The following COL5A2 variants were observed in gnomAD, a reference collection of about 807,000 sequenced individuals.
COL5A2 encodes the protein collagen type V alpha 2 chain.
Under a neutral mutation model 208.2 loss-of-function variants are expected in COL5A2, and 23 were observed. That is an observed-to-expected ratio of 0.11 (90% CI 0.08 to 0.16). The LOEUF (loss-of-function observed/expected upper bound fraction) is 0.16, where lower values mean the gene tolerates loss of function less well. COL5A2 is among the 10% of genes least tolerant of loss of function. COL5A2 has a pLI of 1.00. For synonymous variants in COL5A2, 625 were observed against 628.5 expected (o/e 0.99, Z 0.08); for missense variants, 1,590 against 1,956.4 (o/e 0.81, Z 3.53).
intron 1 of COL5A2, among the ~76,000 whole-genome samples, chr2:189,190,076 A>G (rs527287209): frequency 4.7e-4 from 71 of 152,230 alleles, no homozygotes; most frequent in African/African-American, 1.7e-3. Flanking sequence ...CCCAAAGGTA[A>G]GAAAACCAAA....
At chr2:189,169,727 T>C (rs951669190) in intron 1 of COL5A2, among the ~76,000 whole-genome samples, 3 of 152,234 alleles carry the variant, frequency 2.0e-5, no homozygotes, top group Non-Finnish European at 4.4e-5. Flanking sequence ...AATAATTTTT[T>C]TGAGACGGAT....
rs751059873 is a variant in COL5A2 at position 189,058,925 on chromosome 2, A to AAG, written c.2086-34_2086-33dup. ...ACACATTTTTTTTTTTTAATGGAAC[A>AAG]AGAGCTTTGAGTTTAGGCATTTATC... On this transcript the variant is annotated intron_variant, in intron 31 of 53. Coordinates refer to ENST00000374866, the MANE Select transcript of COL5A2 (RefSeq NM_000393.5). 3.1e-6 allele frequency: 5 copies of AAG among 1,597,384 alleles called. No individual in the cohort carries two copies. In the African/African-American group the frequency reaches 6.7e-5, roughly 21 times the overall value.
the COL5A2 span, among the ~76,000 whole-genome samples, chr2:189,406,916 C>T: frequency 1.1e-4 from 16 of 152,076 alleles, no homozygotes; most frequent in Non-Finnish European, 2.2e-4. Context: ...GGAAGGATCA[C>T]TTCCTATAAA....
At chr2:189,065,103 G>A (rs1377480261) in intron 23 of COL5A2, 46 bp from the exon 24 acceptor site, 1 of 1,570,412 alleles carries the variant, frequency 6.4e-7, no homozygotes, top group Admixed American at 1.7e-5. Context: ...TGATATTTTT[G>A]CAATATGTAA....
chr2:189,077,294 T>C (rs1206234780), intron 16 of COL5A2, among the ~76,000 whole-genome samples: 1 of 152,100 alleles, frequency 6.6e-6, no homozygotes, highest in African/African-American at 2.4e-5. Context: ...AAAGCACCTA[T>C]AAGACCTAAA....
chr2:189,040,676 C>T lies in COL5A2; in HGVS notation c.3633+910G>A, dbSNP rs147498750. On this transcript the variant is annotated intron_variant, in intron 50 of 53. Coordinates refer to ENST00000374866, the MANE Select transcript of COL5A2 (RefSeq NM_000393.5). ...TTACATAATTTTTTTTTCTTCCTGT[C>T]TCTAAGGTCATATACTGAGTTCATG... is the stretch of plus-strand genomic sequence containing the variant. Among the ~76,000 whole-genome samples, 1,254 of 152,042 alleles carry T rather than the reference C, an allele frequency of 8.2e-3. 5 individuals carry two copies. The highest frequency in any genetic ancestry group is 0.012 in the Non-Finnish European group (814 of 67,978).
At chr2:189,046,277 CA>C (rs1685665438) in intron 45 of COL5A2, among the ~76,000 whole-genome samples, 1 of 152,110 alleles carries the variant, frequency 6.6e-6, no homozygotes, top group South Asian at 2.1e-4. Context: ...ACTGTGAAAA[CA>C]AAGAAAATTT....
At chr2:189,062,140 G>T (rs144408054) in intron 29 of COL5A2, among the ~76,000 whole-genome samples, 2 of 150,602 alleles carry the variant, frequency 1.3e-5, no homozygotes, top group Non-Finnish European at 3.0e-5. Flanking sequence ...AGACCTCAAA[G>T]AATAAGTATT....
At chr2:189,036,430 C>T (rs1018636398) in intron 52 of COL5A2, among the ~76,000 whole-genome samples, 186 bp downstream of exon 52, 1 of 152,058 alleles carries the variant, frequency 6.6e-6, no homozygotes, top group Non-Finnish European at 1.5e-5. Context: ...ATGTTAACTT[C>T]ACTCATAGCA....
At chr2:189,212,024 A>G (rs1436804565) in intron 1 of COL5A2, among the ~76,000 whole-genome samples, 10 of 152,358 alleles carry the variant, frequency 6.6e-5, no homozygotes, top group South Asian at 4.1e-4. Flanking sequence ...TAAAAATCCC[A>G]TAGCCCACTT....
At chr2:189,216,080 T>C (rs1484625435) in intron 1 of COL5A2, among the ~76,000 whole-genome samples, 2 of 152,160 alleles carry the variant, frequency 1.3e-5, no homozygotes, top group African/African-American at 4.8e-5. Flanking sequence ...AAATATAAAA[T>C]AGTGGTTTCA....
At chr2:189,191,162 A>ACC (rs1688920455) in intron 1 of COL5A2, among the ~76,000 whole-genome samples, 4 of 73,798 alleles carry the variant, frequency 5.4e-5, no homozygotes, top group Non-Finnish European at 7.2e-5. Context: ...CAAAAAACAA[A>ACC]CAAACAACAA....
chr2:189,191,163 C>CCA (rs748055610), intron 1 of COL5A2, among the ~76,000 whole-genome samples: 25 of 72,312 alleles, frequency 3.5e-4, no homozygotes, highest in South Asian at 1.8e-3. Context: ...AAAAAACAAA[C>CCA]AAACAACAAA....
At chr2:189,304,782 T>C in the COL5A2 span, among the ~76,000 whole-genome samples, 1 of 152,202 alleles carries the variant, frequency 6.6e-6, no homozygotes, top group Non-Finnish European at 1.5e-5. Flanking sequence ...TAATAGGAGG[T>C]GCCTCCAAGC....
intron 1 of COL5A2, among the ~76,000 whole-genome samples, chr2:189,130,275 TGA>T (rs1687685682): frequency 6.6e-6 from 1 of 152,052 alleles, no homozygotes; most frequent in Admixed American, 6.6e-5. Flanking sequence ...TTTTAGTCAC[TGA>T]GATATTTTAA....
chr2:189,120,663 G>A (rs1316009008), intron 1 of COL5A2, among the ~76,000 whole-genome samples: 1 of 151,910 alleles, frequency 6.6e-6, no homozygotes, highest in Non-Finnish European at 1.5e-5. Context: ...TAAACCCTTA[G>A]ACACCAAGAC....
At chr2:189,290,338 A>C in the COL5A2 span, among the ~76,000 whole-genome samples, 2 of 152,206 alleles carry the variant, frequency 1.3e-5, no homozygotes, top group Non-Finnish European at 2.9e-5. Context: ...ATGACTGTAC[A>C]ACATTTAAAA....
chr2:189,274,329 G>A, the COL5A2 span, among the ~76,000 whole-genome samples: 1 of 152,072 alleles, frequency 6.6e-6, no homozygotes, highest in Non-Finnish European at 1.5e-5. Flanking sequence ...TGTACTTTGG[G>A]TATTTTTACT....
At chr2:189,125,213 T>C (rs892353278) in intron 1 of COL5A2, among the ~76,000 whole-genome samples, 3 of 152,124 alleles carry the variant, frequency 2.0e-5, no homozygotes, top group African/African-American at 4.8e-5. Flanking sequence ...TAGAAACTTC[T>C]CTGATGTTGT....
Sources: gnomAD v4.1 joint callset for allele counts (sites outside exome capture counted in the v4.1 genomes callset) on GRCh38, gnomAD v4.1.1 for gene constraint, MANE v1.5 for transcripts, NCBI Gene and HGNC (gene_info 2026-07-23, HGNC 2026-07-21) for gene names.